The following JAKMIP1 variants were observed in gnomAD, a reference collection of about 807,000 sequenced individuals.
JAKMIP1 encodes the protein janus kinase and microtubule-interacting protein 1.
A neutral mutation model predicts 113.0 loss-of-function variants in JAKMIP1; 33 were observed. The observed-to-expected ratio is 0.29, with a 90% CI of 0.22 to 0.39. The LOEUF is 0.39. JAKMIP1 is among the 10% of genes least tolerant of loss of function. JAKMIP1 has a pLI of 1.00. For missense variants in JAKMIP1, 813 were observed against 1,080.5 expected (o/e 0.75, Z 3.47); for synonymous variants, 480 against 459.9 (o/e 1.04, Z -0.56).
chr4:6,085,993 C>A (rs959636412), intron 3 of JAKMIP1, among the ~76,000 whole-genome samples: 5 of 145,406 alleles, frequency 3.4e-5, no homozygotes, highest in African/African-American at 1.4e-4. Flanking sequence ...CTTCTCTCTC[C>A]GTCTCCAGGA....
rs114718220 is a variant in JAKMIP1 at position 6,104,044 on chromosome 4, A to G, written c.624+1429T>C. 8.4e-3 allele frequency among the ~76,000 whole-genome samples: 1,274 copies of G among 152,154 alleles called. 24 individuals carry two copies. The highest frequency in any genetic ancestry group is 0.029 in the African/African-American group (1,185 of 41,478). ...TTCTTTTTCTTTCTTCTTGAGATAG[A>G]AGTTTAGATGCTTGATTTTCAGCAT... On this transcript the variant is annotated intron_variant, in intron 3 of 20. Coordinates refer to ENST00000409021, the MANE Select transcript of JAKMIP1 (RefSeq NM_001099433.2).
chr4:6,038,357 T>C (rs918649748), intron 18 of JAKMIP1, among the ~76,000 whole-genome samples: 1 of 115,448 alleles, frequency 8.7e-6, no homozygotes, highest in African/African-American at 4.1e-5. Flanking sequence ...GTTAACCCAG[T>C]AGCCCTCCGT....
At position 6,197,604 on chromosome 4, in the gene JAKMIP1, A is replaced by AT. The variant is rs1361248242; in HGVS notation, c.-148+2648dup. The stretch of plus-strand genomic sequence containing the variant: ...CCAACTTCAGAAGCCCTGCAGGTTG[A>AT]TCCCGTCGCCACTATGGGGAGAGGA... On this transcript the variant is annotated intron_variant, in intron 1 of 20. Coordinates refer to ENST00000409021, the MANE Select transcript of JAKMIP1 (RefSeq NM_001099433.2). The surrounding 1 kb of genome is among the most constrained non-coding windows in gnomAD (Gnocchi z 6.5). 6.6e-6 allele frequency among the ~76,000 whole-genome samples: 1 copy of AT among 152,222 alleles called. No homozygotes were observed. Among genetic ancestry groups the AT allele is most frequent in the East Asian group, 1.9e-4 (1 of 5,194 alleles).
chr4:6,094,345 C>T lies in JAKMIP1; in HGVS notation c.625-8716G>A, dbSNP rs560164587. 1.3e-3 allele frequency among the ~76,000 whole-genome samples: 199 copies of T among 152,296 alleles called. No homozygotes were observed. Among genetic ancestry groups the T allele is most frequent in the Middle Eastern group, 3.4e-3 (1 of 294 alleles). On this transcript the variant is annotated intron_variant, in intron 3 of 20. Transcript: ENST00000409021. This position sits in a 1 kb window ranked among gnomAD's most constrained non-coding sequence, Gnocchi z 4.2. ...AACACTCTCCTTTATCTCCCAGCTG[C>T]CTGAAGCTTGATGCGAAAGGGCCAC...
At chr4:6,070,711 T>A (rs1429591061) in intron 8 of JAKMIP1, among the ~76,000 whole-genome samples, 3 of 152,230 alleles carry the variant, frequency 2.0e-5, no homozygotes, top group African/African-American at 7.2e-5. Context: ...GTTTGGGAAA[T>A]TTATCTGCTG....
At chr4:6,171,965 T>A (rs570976198) in intron 1 of JAKMIP1, among the ~76,000 whole-genome samples, 1 of 152,352 alleles carries the variant, frequency 6.6e-6, no homozygotes, top group African/African-American at 2.4e-5. Context: ...TTTTTATTAA[T>A]AAGCAACAAC....
chr4:6,050,719 AT>A lies in JAKMIP1; in HGVS notation c.1807-41del, dbSNP rs1438397709. On this transcript the variant is annotated intron_variant, in intron 13 of 20. Coordinates refer to ENST00000409021, the MANE Select transcript of JAKMIP1 (RefSeq NM_001099433.2). The surrounding 1 kb of genome is among the most constrained non-coding windows in gnomAD (Gnocchi z 7.4). ...CGGTTTAAAAACAGAATGTGACCGG[AT>A]TATTTACCACTTGCCATTTTCCCAC... The A allele has an allele frequency of 3.4e-6, 5 of 1,460,052 alleles. No homozygotes were observed. The Admixed American group carries it at 9.9e-5, about 29-fold the overall frequency. The allele number at this position is 1,460,052 out of a possible 1,614,324, so 90.4% of individuals were successfully genotyped here. A position where few individuals can be genotyped will look rare whatever the true frequency, so the allele number is the denominator to read the frequency against.
At chr4:6,196,716 C>A (rs937424845) in intron 1 of JAKMIP1, among the ~76,000 whole-genome samples, 1 of 152,140 alleles carries the variant, frequency 6.6e-6, no homozygotes, top group African/African-American at 2.4e-5. Flanking sequence ...AAAAAATTAG[C>A]CAGGCATGGT....
chr4:6,159,297 A>T (rs1285266354), intron 1 of JAKMIP1, among the ~76,000 whole-genome samples: 1 of 151,840 alleles, frequency 6.6e-6, no homozygotes, highest in African/African-American at 2.4e-5. Context: ...GCTAAAAAAA[A>T]AATACTTAAA....
At chr4:6,083,984 T>G (rs1241723015) in intron 5 of JAKMIP1, among the ~76,000 whole-genome samples, 1 of 152,130 alleles carries the variant, frequency 6.6e-6, no homozygotes, top group African/African-American at 2.4e-5. Context: ...AGTAAATACA[T>G]AAGCACAAAT....
At chr4:6,171,112 C>G (rs556534967) in intron 1 of JAKMIP1, among the ~76,000 whole-genome samples, 3 of 149,582 alleles carry the variant, frequency 2.0e-5, no homozygotes, top group African/African-American at 7.5e-5. Flanking sequence ...ACCATCATCA[C>G]CACCACATCA....
chr4:6,196,592 G>A (rs556618606), intron 1 of JAKMIP1, among the ~76,000 whole-genome samples: 5 of 152,076 alleles, frequency 3.3e-5, no homozygotes, highest in Admixed American at 2.0e-4. Context: ...GGTGGCTCAC[G>A]CCTGTACTCC....
chr4:6,150,505 T>G lies in JAKMIP1; in HGVS notation c.-147-37508A>C, dbSNP rs867792568. Reference sequence around the variant, plus strand: ...ACAGCAGGTACACAGCCCTGTTTGCTGAACTGAGTGGTTTCCGCATCCAGG... The same window carrying G: ...ACAGCAGGTACACAGCCCTGTTTGCGGAACTGAGTGGTTTCCGCATCCAGG... On this transcript the variant is annotated intron_variant, in intron 1 of 20. Transcript: ENST00000409021. This position sits in a 1 kb window ranked among gnomAD's most constrained non-coding sequence, Gnocchi z 4.8. 1 of 152,244 alleles carries G rather than the reference T, an allele frequency of 6.6e-6. No homozygotes were observed. Among genetic ancestry groups the G allele is most frequent in the Non-Finnish European group, 1.5e-5 (1 of 68,090 alleles). The allele number at this position is 152,244 out of a possible 1,614,324, so 9.4% of individuals were successfully genotyped here.
At chr4:6,198,464 G>A (rs1430783680) in intron 1 of JAKMIP1, among the ~76,000 whole-genome samples, 2 of 152,162 alleles carry the variant, frequency 1.3e-5, no homozygotes, top group East Asian at 1.9e-4. Flanking sequence ...TGGTGAGGTC[G>A]TGGGGGCGGT....
At position 6,183,101 on chromosome 4, in the gene JAKMIP1, A is replaced by C. The variant is rs919226615; in HGVS notation, c.-148+17152T>G. Among the ~76,000 whole-genome samples the C allele has an allele frequency of 3.9e-5, 6 of 152,228 alleles. No individual in the cohort carries two copies. Among genetic ancestry groups the C allele is most frequent in the African/African-American group, 1.4e-4 (6 of 41,456 alleles). On this transcript the variant is annotated intron_variant, in intron 1 of 20. Transcript: ENST00000409021. The surrounding 1 kb of genome is among the most constrained non-coding windows in gnomAD (Gnocchi z 5.3). ...AAGGTTGAGACAGAACAAAGAGCTA[A>C]ACATGATACAGGCAGATAACAATAC...
chr4:6,119,089 A>G (rs1716308995), intron 1 of JAKMIP1, among the ~76,000 whole-genome samples: 2 of 152,104 alleles, frequency 1.3e-5, no homozygotes, highest in African/African-American at 2.4e-5. Flanking sequence ...TGGAGCGGGG[A>G]AGGACTGACA....
chr4:6,170,176 C>T (rs1162961850), intron 1 of JAKMIP1, among the ~76,000 whole-genome samples: 1 of 150,300 alleles, frequency 6.7e-6, no homozygotes, highest in African/African-American at 2.5e-5. Flanking sequence ...CCCTTCTCAC[C>T]ACCTCCATCA....
rs1169508008 is a variant in JAKMIP1, at chr4:6,049,974, T to G, written c.1909-102A>C. 1.3e-6 allele frequency: 1 copy of G among 775,220 alleles called. No homozygotes were observed. Among genetic ancestry groups the G allele is most frequent in the Non-Finnish European group, 2.2e-6 (1 of 463,720 alleles). The allele number at this position is 775,220 out of a possible 1,614,324, so 48.0% of individuals were successfully genotyped here. On this transcript the variant is annotated intron_variant, in intron 14 of 20. Coordinates refer to ENST00000409021, the MANE Select transcript of JAKMIP1 (RefSeq NM_001099433.2). This position sits in a 1 kb window ranked among gnomAD's most constrained non-coding sequence, Gnocchi z 7.0. ...TCCTCTGGACAAGACACCGCGCTCTTTCTTTTCTTTTCTGGCCAAGTTTTG... is the reference window on the plus strand; with the variant it reads ...TCCTCTGGACAAGACACCGCGCTCTGTCTTTTCTTTTCTGGCCAAGTTTTG...
At position 6,116,274 on chromosome 4, in the gene JAKMIP1, A is replaced by C. The variant is rs4689339; in HGVS notation, c.-147-3277T>G. Among the ~76,000 whole-genome samples, 13 of 152,010 alleles carry C rather than the reference A, an allele frequency of 8.6e-5. No homozygotes were observed. The highest frequency in any genetic ancestry group is 7.9e-4 in the Admixed American group (12 of 15,272). ...TGGCTGCGGGCTGCCCAAAGGTCTC[A>C]TCAGCAGGAGCAACAGCAGGGAACT... is the stretch of plus-strand genomic sequence containing the variant. On this transcript the variant is annotated intron_variant, in intron 1 of 20. Transcript: ENST00000409021. The surrounding 1 kb of genome is among the most constrained non-coding windows in gnomAD (Gnocchi z 5.1).
Sources: gnomAD v4.1 joint callset for allele counts (sites outside exome capture counted in the v4.1 genomes callset) on GRCh38, gnomAD v4.1.1 for gene constraint, Gnocchi (gnomAD v3.1) non-coding constraint, MANE v1.5 for transcripts, NCBI Gene and HGNC (gene_info 2026-07-23, HGNC 2026-07-21) for gene names.